EEFSEC: variants seen among roughly 807,000 people sequenced by gnomAD.
EEFSEC encodes the protein selenocysteine-specific elongation factor.
A neutral mutation model predicts 42.1 loss-of-function variants in EEFSEC; 43 were observed. That is an observed-to-expected ratio of 1.02 (90% CI 0.80 to 1.32). The LOEUF is 1.32. Ranked by LOEUF, EEFSEC falls within the 40% of genes most tolerant of loss-of-function variation. EEFSEC has a pLI of 0.00. For synonymous variants in EEFSEC, 354 were observed against 339.1 expected (o/e 1.04, Z -0.48); for missense variants, 745 against 803.6 (o/e 0.93, Z 0.88).
At chr3:128,398,153 C>T (rs913551730) in intron 6 of EEFSEC, among the ~76,000 whole-genome samples, 3 of 152,188 alleles carry the variant, frequency 2.0e-5, no homozygotes, top group African/African-American at 7.2e-5. Context: ...CTGTGCAGGC[C>T]CTGACTATCT....
At chr3:128,352,593 G>A (rs1255941244) in intron 5 of EEFSEC, among the ~76,000 whole-genome samples, 1 of 152,350 alleles carries the variant, frequency 6.6e-6, no homozygotes, top group South Asian at 2.1e-4. Flanking sequence ...ATTAGTCAGC[G>A]ATGTCTTCTC....
At chr3:128,403,765 C>T (rs1184873082) in intron 6 of EEFSEC, among the ~76,000 whole-genome samples, 1 of 152,220 alleles carries the variant, frequency 6.6e-6, no homozygotes, top group Non-Finnish European at 1.5e-5. Context: ...GGCTGGTCCC[C>T]GTCATCTGGC....
At chr3:128,211,191 G>A (rs770996624) in intron 1 of EEFSEC, among the ~76,000 whole-genome samples, 1 of 152,184 alleles carries the variant, frequency 6.6e-6, no homozygotes, top group Non-Finnish European at 1.5e-5. Context: ...GGGTGCTATT[G>A]CCCTTAGTTG....
chr3:128,326,830 A>G (rs1447877802), intron 4 of EEFSEC, among the ~76,000 whole-genome samples: 2 of 152,218 alleles, frequency 1.3e-5, no homozygotes, highest in Non-Finnish European at 2.9e-5. Flanking sequence ...CTTTCAGTTA[A>G]GGGAAAAGGA....
At chr3:128,211,014 C>T (rs2065750134) in intron 1 of EEFSEC, among the ~76,000 whole-genome samples, 1 of 152,214 alleles carries the variant, frequency 6.6e-6, no homozygotes, top group Non-Finnish European at 1.5e-5. Context: ...GGTCAGACAT[C>T]CTCTGTCGCT....
In EEFSEC at chr3:128,341,540, ACT is replaced by A. The variant is rs1428333632; in HGVS notation, c.1097_1098del (p.Ser366PhefsTer26). On this transcript the variant is annotated frameshift_variant, in exon 5 of 7. Transcript: ENST00000254730. LOFTEE classifies it high-confidence loss of function. ...AACTTTGACCAGGAGCCTATACTGG[ACT>A]CTTTCAACTTCTCTCAAGAATACCT... 1.2e-6 allele frequency: 2 copies of A among 1,613,868 alleles called. No individual in the cohort carries two copies. The highest frequency in any genetic ancestry group is 1.7e-6 in the Non-Finnish European group (2 of 1,180,014).
chr3:128,264,781 G>T lies in EEFSEC; in HGVS notation c.786G>T (p.Lys262Asn). The T allele has an allele frequency of 6.2e-7, 1 of 1,613,590 alleles. No homozygotes were observed. Among genetic ancestry groups the T allele is most frequent in the Non-Finnish European group, 8.5e-7 (1 of 1,179,700 alleles). ...LGDSVEIPAL[K>N]VVKKVKSMQM... ...ACAGTGTGGAGATCCCTGCCCTCAAGGTCAGTCTTACCTTGTCTTCCCTTC... is the reference window on the plus strand; with the variant it reads ...ACAGTGTGGAGATCCCTGCCCTCAATGTCAGTCTTACCTTGTCTTCCCTTC... The change falls in exon 4 of 7, where the codon AAG becomes AAT. Residue 262 changes from lysine (K) to asparagine (N), a missense_variant and splice_region_variant. Coordinates refer to ENST00000254730, the MANE Select transcript of EEFSEC (RefSeq NM_021937.5).
In EEFSEC at chr3:128,335,978, G is replaced by A. The variant is rs1456008512; in HGVS notation, c.787-5255G>A. The stretch of plus-strand genomic sequence containing the variant: ...CTGAAGGAGACTTTAGGTTCTGGGC[G>A]TAGTAAGCTGGGATGCCTGTCAGCC... On this transcript the variant is annotated intron_variant, in intron 4 of 6. Transcript: ENST00000254730. 1.4e-4 allele frequency among the ~76,000 whole-genome samples: 22 copies of A among 152,312 alleles called. No homozygotes were observed. The East Asian group carries it at 3.3e-3, about 23-fold the overall frequency.
rs150454294 is a variant in EEFSEC at position 128,159,886 on chromosome 3, A to T, written c.316+6063A>T. Among the ~76,000 whole-genome samples the T allele has an allele frequency of 1.7e-3, 255 of 151,876 alleles. 1 individual carries two copies. The highest frequency in any genetic ancestry group is 6.0e-3 in the African/African-American group (249 of 41,404). The stretch of plus-strand genomic sequence containing the variant: ...TTTCATTGCCCCAGCAGCCCTTTTC[A>T]CTACCTGACGTTCTTCATGTGTTTA... On this transcript the variant is annotated intron_variant, in intron 1 of 6. Coordinates refer to ENST00000254730, the MANE Select transcript of EEFSEC (RefSeq NM_021937.5).
chr3:128,235,246 T>TTG (rs1003959531), intron 1 of EEFSEC, among the ~76,000 whole-genome samples: 1 of 150,894 alleles, frequency 6.6e-6, no homozygotes, highest in African/African-American at 2.4e-5. Context: ...TGTATTTTTT[T>TTG]TTTGTAGAGA....
chr3:128,368,418 G>A (rs2067614414), intron 6 of EEFSEC, among the ~76,000 whole-genome samples: 1 of 149,990 alleles, frequency 6.7e-6, no homozygotes, highest in Non-Finnish European at 1.5e-5. Flanking sequence ...CTGGGTGACA[G>A]AGCGAGACTC....
At chr3:128,273,087 C>A (rs1427287377) in intron 4 of EEFSEC, among the ~76,000 whole-genome samples, 1 of 152,196 alleles carries the variant, frequency 6.6e-6, no homozygotes, top group Non-Finnish European at 1.5e-5. Flanking sequence ...CTGTCTTTAT[C>A]ACCACCCTGT....
At chr3:128,383,782 A>G (rs1267718123) in intron 6 of EEFSEC, among the ~76,000 whole-genome samples, 1 of 152,242 alleles carries the variant, frequency 6.6e-6, no homozygotes, top group African/African-American at 2.4e-5. Flanking sequence ...GATGCCTTCA[A>G]GGGGCAGGCA....
In EEFSEC at chr3:128,317,323, G is replaced by T. The variant is rs2066957745; in HGVS notation, c.787-23910G>T. Reference sequence around the variant, plus strand: ...TGTGCTCACATGCAGTGCGTCCCCAGACTTGTAAGCCTGGCCTGTTCTCCG... The same window carrying T: ...TGTGCTCACATGCAGTGCGTCCCCATACTTGTAAGCCTGGCCTGTTCTCCG... On this transcript the variant is annotated intron_variant, in intron 4 of 6. Transcript: ENST00000254730. This position sits in a 1 kb window ranked among gnomAD's most constrained non-coding sequence, Gnocchi z 4.1. Among the ~76,000 whole-genome samples, 1 of 152,180 alleles carries T rather than the reference G, an allele frequency of 6.6e-6. No individual in the cohort carries two copies. The highest frequency in any genetic ancestry group is 6.5e-5 in the Admixed American group (1 of 15,280).
intron 1 of EEFSEC, among the ~76,000 whole-genome samples, chr3:128,161,056 G>A (rs1488829051): frequency 6.6e-6 from 1 of 152,100 alleles, no homozygotes; most frequent in African/African-American, 2.4e-5. Flanking sequence ...CAGAGGTCAG[G>A]GAACCCAGTT....
intron 4 of EEFSEC, among the ~76,000 whole-genome samples, chr3:128,290,814 C>T (rs1219949909): frequency 2.6e-5 from 4 of 152,084 alleles, no homozygotes; most frequent in African/African-American, 9.7e-5. Context: ...GGTGCAACCT[C>T]GGCTCACTGC....
chr3:128,264,892 C>A, intron 4 of EEFSEC, 111 bp downstream of exon 4: 1 of 1,315,174 alleles, frequency 7.6e-7, no homozygotes, highest in Non-Finnish European at 1.0e-6. Context: ...CCCTGGGACT[C>A]CCACTGCCTG....
At chr3:128,382,951 C>T (rs1395803234) in intron 6 of EEFSEC, among the ~76,000 whole-genome samples, 2 of 152,246 alleles carry the variant, frequency 1.3e-5, no homozygotes, top group Non-Finnish European at 2.9e-5. Flanking sequence ...TGGGCAGTCA[C>T]CTGCTGCCTC....
intron 4 of EEFSEC, among the ~76,000 whole-genome samples, chr3:128,335,559 A>G (rs563802408): frequency 6.6e-6 from 1 of 152,352 alleles, no homozygotes; most frequent in South Asian, 2.1e-4. Context: ...ATAAAGTCAG[A>G]GACATCACGG....
Sources: gnomAD v4.1 joint callset for allele counts (sites outside exome capture counted in the v4.1 genomes callset) on GRCh38, gnomAD v4.1.1 for gene constraint, Gnocchi (gnomAD v3.1) non-coding constraint, MANE v1.5 for transcripts, NCBI Gene and HGNC (gene_info 2026-07-23, HGNC 2026-07-21) for gene names.